PHACTR2: variants seen among roughly 807,000 people sequenced by gnomAD.
PHACTR2 encodes chromosome 6 open reading frame 56.
Under a neutral mutation model 76.0 loss-of-function variants are expected in PHACTR2, and 30 were observed. The observed-to-expected ratio is 0.39, with a 90% CI of 0.30 to 0.54. PHACTR2 has a LOEUF of 0.54. Among genes scored for constraint, PHACTR2 ranks in the 20% least tolerant of loss-of-function variants. The probability of loss-of-function intolerance (pLI) is 0.61; values close to 1 mark genes in which losing one functional copy is unlikely to be tolerated. For missense variants in PHACTR2, 696 were observed against 781.1 expected, an observed-to-expected ratio of 0.89 and a Z score of 1.30; for synonymous variants, 292 against 292.5, an observed-to-expected ratio of 1.00 and a Z score of 0.02.
intron 1 of PHACTR2, among the ~76,000 whole-genome samples, chr6:143,590,670 A>G (rs903374572): frequency 6.6e-6 from 1 of 152,142 alleles, no homozygotes; most frequent in Non-Finnish European, 1.5e-5. Flanking sequence ...CAGGAGTTCA[A>G]TGGCTTTCTT....
At chr6:143,635,340 G>A (rs1286954871) in intron 1 of PHACTR2, among the ~76,000 whole-genome samples, 1 of 152,044 alleles carries the variant, frequency 6.6e-6, no homozygotes, top group East Asian at 1.9e-4. Flanking sequence ...GTGTGTGTGT[G>A]TGTGTGTGTG....
rs962797225 is a variant in PHACTR2, at chr6:143,621,329, G to A, written c.13+13007G>A. Among the ~76,000 whole-genome samples, 1 of 152,128 alleles carries A rather than the reference G, an allele frequency of 6.6e-6. No homozygotes were observed. Among genetic ancestry groups the A allele is most frequent in the Non-Finnish European group, 1.5e-5 (1 of 68,018 alleles). On this transcript the variant is annotated intron_variant, in intron 1 of 11. Transcript: ENST00000305766. This position sits in a 1 kb window ranked among gnomAD's most constrained non-coding sequence, Gnocchi z 4.1. ...CAACAAAGAAAACTCAGGAGGGCGC[G>A]AATGAGTTCCTGTGGATCCCGAGCC...
chr6:143,566,257 T>C (rs192687368), intron 1 of PHACTR2, among the ~76,000 whole-genome samples: 26 of 151,954 alleles, frequency 1.7e-4, no homozygotes, highest in African/African-American at 6.3e-4. Context: ...AACCACTGCA[T>C]CTTGCCAGTT....
rs556570047 is a variant in PHACTR2 at position 143,669,992 on chromosome 6, T to C, written c.14-42024T>C. Among the ~76,000 whole-genome samples, 4 of 152,314 alleles carry C rather than the reference T, an allele frequency of 2.6e-5. No homozygotes were observed. In the East Asian group the frequency reaches 7.7e-4, roughly 29 times the overall value. ...ATGTTTTTGCAGTGGCTGGTACCAG[T>C]TTTTCCTTTCCATATTTAGTACTTC... is the stretch of plus-strand genomic sequence containing the variant. On this transcript the variant is annotated intron_variant, in intron 1 of 11. Transcript: ENST00000305766.
At chr6:143,622,061 G>A (rs1054349499) in intron 1 of PHACTR2, among the ~76,000 whole-genome samples, 17 of 152,222 alleles carry the variant, frequency 1.1e-4, no homozygotes, top group Non-Finnish European at 1.5e-5. Flanking sequence ...GCCTTGGGCA[G>A]TGTATGATTC....
rs1375719515 is a variant in PHACTR2, at chr6:143,751,873, A to G, written c.296-1881A>G. 6.6e-6 allele frequency among the ~76,000 whole-genome samples: 1 copy of G among 151,798 alleles called. No individual in the cohort carries two copies. Among genetic ancestry groups the G allele is most frequent in the East Asian group, 1.9e-4 (1 of 5,180 alleles). ...TTAATTCTAAAACAACTTCCTTAAC[A>G]CTCAATACTAGAAAGCCTTTTCAAT... On this transcript the variant is annotated intron_variant, in intron 3 of 12. Coordinates refer to ENST00000440869, the MANE Select transcript of PHACTR2 (RefSeq NM_001100164.2). This position sits in a 1 kb window ranked among gnomAD's most constrained non-coding sequence, Gnocchi z 5.7.
Position 143,733,910 on chromosome 6 carries a change from G to A in PHACTR2, c.215-15075G>A, listed in dbSNP as rs923595868. Among the ~76,000 whole-genome samples, 4 of 152,000 alleles carry A rather than the reference G, an allele frequency of 2.6e-5. No individual in the cohort carries two copies. Among genetic ancestry groups the A allele is most frequent in the Non-Finnish European group, 4.4e-5 (3 of 67,988 alleles). On this transcript the variant is annotated intron_variant, in intron 2 of 12. Transcript: ENST00000440869. The surrounding 1 kb of genome is among the most constrained non-coding windows in gnomAD (Gnocchi z 4.0). ...ATTACGTATGCTTTTAAAAAATATCGTCTATTATTTTCCTAAAGGTATATA... is the reference window on the plus strand; with the variant it reads ...ATTACGTATGCTTTTAAAAAATATCATCTATTATTTTCCTAAAGGTATATA...
At position 143,679,747 on chromosome 6, in the gene PHACTR2, C is replaced by T. The variant is rs1777341548; in HGVS notation, c.46+1538C>T. Reference sequence around the variant, plus strand: ...AAGCAAATAAAATCCTAAAGTGAGACTCCCTACGTCTTAGTACAGCAAAAA... The same window carrying T: ...AAGCAAATAAAATCCTAAAGTGAGATTCCCTACGTCTTAGTACAGCAAAAA... On this transcript the variant is annotated intron_variant, in intron 1 of 12. Coordinates refer to ENST00000440869, the MANE Select transcript of PHACTR2 (RefSeq NM_001100164.2). This position sits in a 1 kb window ranked among gnomAD's most constrained non-coding sequence, Gnocchi z 4.6. Among the ~76,000 whole-genome samples, 1 of 149,758 alleles carries T rather than the reference C, an allele frequency of 6.7e-6. No individual in the cohort carries two copies. The highest frequency in any genetic ancestry group is 6.7e-5 in the Admixed American group (1 of 14,920).
chr6:143,542,698 G>C (rs1781181962), intron 1 of PHACTR2, among the ~76,000 whole-genome samples: 1 of 152,128 alleles, frequency 6.6e-6, no homozygotes, highest in Non-Finnish European at 1.5e-5. Flanking sequence ...TTTCCTTTTA[G>C]CTCTTGCCTT....
rs541235138 is a variant in PHACTR2 at position 143,728,483 on chromosome 6, C to T, written c.214+16300C>T. Among the ~76,000 whole-genome samples the T allele has an allele frequency of 1.4e-3, 215 of 151,836 alleles. 4 individuals are homozygous for T. The South Asian group carries it at 0.041, about 29-fold the overall frequency. ...CCAGCCTCATGAGATTTTTCACAGACGTAGAAAAATTTGTATGGAACTAAA... is the reference window on the plus strand; with the variant it reads ...CCAGCCTCATGAGATTTTTCACAGATGTAGAAAAATTTGTATGGAACTAAA... On this transcript the variant is annotated intron_variant, in intron 2 of 12. Coordinates refer to ENST00000440869, the MANE Select transcript of PHACTR2 (RefSeq NM_001100164.2).
Position 143,748,973 on chromosome 6 carries a change from T to C in PHACTR2, c.215-12T>C. The stretch of plus-strand genomic sequence containing the variant: ...TGACTTGATTCTTACTTGTGCTTGT[T>C]CTTTTTAAAAGTATTAGAAAGGAAG... On this transcript the variant is annotated splice_polypyrimidine_tract_variant and intron_variant, in intron 2 of 12. Transcript: ENST00000440869. The C allele has an allele frequency of 7.2e-7, 1 of 1,380,906 alleles. No individual in the cohort carries two copies. Among genetic ancestry groups the C allele is most frequent in the Non-Finnish European group, 1.0e-6 (1 of 974,808 alleles). The allele number at this position is 1,380,906 out of a possible 1,614,324, so 85.5% of individuals were successfully genotyped here.
Position 143,822,086 on chromosome 6 carries a change from G to A in PHACTR2, c.1923-1588G>A, listed in dbSNP as rs553022956. On this transcript the variant is annotated intron_variant, in intron 12 of 12. Transcript: ENST00000440869. This position sits in a 1 kb window ranked among gnomAD's most constrained non-coding sequence, Gnocchi z 5.5. ...TTGGGGCAAGTGATTGAAATGGAGA[G>A]TATTTGGAAGCAGTGATAGAGATAT... 2.4e-4 allele frequency among the ~76,000 whole-genome samples: 36 copies of A among 152,298 alleles called. No homozygotes were observed. The highest frequency in any genetic ancestry group is 1.3e-3 in the Admixed American group (20 of 15,306).
At chr6:143,601,351 G>A (rs568878302) in intron 1 of PHACTR2, among the ~76,000 whole-genome samples, 34 of 152,172 alleles carry the variant, frequency 2.2e-4, no homozygotes, top group Non-Finnish European at 4.9e-4. Flanking sequence ...CTGATGAATT[G>A]ATTTTCACTG....
chr6:143,545,102 C>T (rs892890248), intron 1 of PHACTR2, among the ~76,000 whole-genome samples: 3 of 152,176 alleles, frequency 2.0e-5, no homozygotes, highest in East Asian at 1.9e-4. Context: ...TGCCATCATG[C>T]CTGGCTAATT....
rs1346816248 is a variant in PHACTR2 at position 143,610,404 on chromosome 6, G to C, written c.13+2082G>C. ...ATTTTTCTAATCAGAAATGAATTGA[G>C]GCCCTGGATTTCAGAGCTAGTAGTT... On this transcript the variant is annotated intron_variant, in intron 1 of 11. Transcript: ENST00000305766. This position sits in a 1 kb window ranked among gnomAD's most constrained non-coding sequence, Gnocchi z 4.9. Among the ~76,000 whole-genome samples the C allele has an allele frequency of 6.6e-6, 1 of 152,132 alleles. No homozygotes were observed. The highest frequency in any genetic ancestry group is 1.5e-5 in the Non-Finnish European group (1 of 68,018).
At chr6:143,737,612 G>A (rs993005558) in intron 2 of PHACTR2, among the ~76,000 whole-genome samples, 5 of 151,706 alleles carry the variant, frequency 3.3e-5, no homozygotes, top group African/African-American at 1.2e-4. Flanking sequence ...TTATTGAAAA[G>A]AGCATAATGT....
At chr6:143,620,684 C>T (rs1018614966) in intron 1 of PHACTR2, among the ~76,000 whole-genome samples, 5 of 152,352 alleles carry the variant, frequency 3.3e-5, no homozygotes, top group South Asian at 2.1e-4. Flanking sequence ...AAATCCATGT[C>T]TGCTTGAGTA....
At position 143,816,882 on chromosome 6, in the gene PHACTR2, A is replaced by G. The variant is rs1490678721; in HGVS notation, c.1923-6792A>G. 1.3e-5 allele frequency among the ~76,000 whole-genome samples: 2 copies of G among 152,084 alleles called. No homozygotes were observed. The highest frequency in any genetic ancestry group is 2.9e-5 in the Non-Finnish European group (2 of 68,016). Reference sequence around the variant, plus strand: ...GGAGTTCAAGACCAGCCTGGTCAACATGGCACAATGCTGTCTCTACAAAAA... The same window carrying G: ...GGAGTTCAAGACCAGCCTGGTCAACGTGGCACAATGCTGTCTCTACAAAAA... On this transcript the variant is annotated intron_variant, in intron 12 of 12. Coordinates refer to ENST00000440869, the MANE Select transcript of PHACTR2 (RefSeq NM_001100164.2). This position sits in a 1 kb window ranked among gnomAD's most constrained non-coding sequence, Gnocchi z 4.5.
In PHACTR2 at chr6:143,782,183, G is replaced by A. The variant is rs999968501; in HGVS notation, c.1646-1036G>A. ...GGAGGTTGCGGTGAGCCAAGATCGC[G>A]CCACTGCACTCTAGCCTGGGTGACA... On this transcript the variant is annotated intron_variant, in intron 9 of 12. Transcript: ENST00000440869. This position sits in a 1 kb window ranked among gnomAD's most constrained non-coding sequence, Gnocchi z 4.6. Among the ~76,000 whole-genome samples the A allele has an allele frequency of 5.9e-5, 9 of 152,048 alleles. No homozygotes were observed. Among genetic ancestry groups the A allele is most frequent in the Non-Finnish European group, 1.2e-4 (8 of 68,010 alleles).
Sources: gnomAD v4.1 joint callset for allele counts (sites outside exome capture counted in the v4.1 genomes callset) on GRCh38, gnomAD v4.1.1 for gene constraint, Gnocchi (gnomAD v3.1) non-coding constraint, MANE v1.5 for transcripts, NCBI Gene and HGNC (gene_info 2026-07-23, HGNC 2026-07-21) for gene names.